The following MAF variants were observed in gnomAD, a reference collection of about 807,000 sequenced individuals.
MAF encodes the protein MAF bZIP transcription factor, also known as transcription factor Maf.
MAF carries 10 observed loss-of-function variants against 22.0 expected under a neutral mutation model. That is an observed-to-expected ratio of 0.45 (90% CI 0.28 to 0.77). MAF has a LOEUF of 0.77. Among genes scored for constraint, MAF ranks in the 30% least tolerant of loss-of-function variants. The pLI is 0.12. For missense variants in MAF, 544 were observed against 548.4 expected (o/e 0.99, Z 0.08); for synonymous variants, 337 against 255.8 (o/e 1.32, Z -3.03).
At chr16:79,214,254 C>A in the MAF span, among the ~76,000 whole-genome samples, 1 of 152,170 alleles carries the variant, frequency 6.6e-6, no homozygotes, top group Admixed American at 6.5e-5. Context: ...TGAAATTTGT[C>A]TGTTTTCTTC....
downstream of MAF, among the ~76,000 whole-genome samples, chr16:79,589,097 T>C (rs1913034879): frequency 6.6e-6 from 1 of 151,788 alleles, no homozygotes; most frequent in African/African-American, 2.4e-5. Flanking sequence ...GAGTAAAAAG[T>C]AGATTTTTTT....
At chr16:79,426,448 A>G in the MAF span, among the ~76,000 whole-genome samples, 1 of 152,142 alleles carries the variant, frequency 6.6e-6, no homozygotes, top group Non-Finnish European at 1.5e-5. Context: ...ATTACATAAG[A>G]GTATTTGTTA....
At chr16:79,516,615 C>T in the MAF span, among the ~76,000 whole-genome samples, 1 of 152,144 alleles carries the variant, frequency 6.6e-6, no homozygotes, top group Non-Finnish European at 1.5e-5. Context: ...ACTGCTAATC[C>T]CTTCCTGTGG....
chr16:79,218,807 G>C, the MAF span, among the ~76,000 whole-genome samples: 1 of 152,132 alleles, frequency 6.6e-6, no homozygotes, highest in East Asian at 1.9e-4. Flanking sequence ...CCAAGCTACT[G>C]CACTGTTACT....
chr16:79,215,727 C>G, the MAF span, among the ~76,000 whole-genome samples: 1 of 152,182 alleles, frequency 6.6e-6, no homozygotes, highest in Admixed American at 6.5e-5. Context: ...ATTTAACAAA[C>G]ATACCAAGTG....
chr16:79,468,242 G>A, the MAF span, among the ~76,000 whole-genome samples: 2 of 152,272 alleles, frequency 1.3e-5, no homozygotes, highest in Admixed American at 6.5e-5. Flanking sequence ...TGACACCCAC[G>A]GAGTCCCCAG....
chr16:79,435,471 A>G, the MAF span, among the ~76,000 whole-genome samples: 3 of 152,202 alleles, frequency 2.0e-5, no homozygotes, highest in African/African-American at 4.8e-5. Context: ...GCTACTATTC[A>G]TTGAGCTTGT....
the MAF span, among the ~76,000 whole-genome samples, chr16:79,455,982 C>T: frequency 1.5e-3 from 222 of 152,128 alleles, 3 homozygotes; most frequent in African/African-American, 5.2e-3. Context: ...CTTGCCACTG[C>T]ACTCCAGCCT....
chr16:79,299,304 G>T, the MAF span, among the ~76,000 whole-genome samples: 1 of 147,888 alleles, frequency 6.8e-6, no homozygotes, highest in Non-Finnish European at 1.5e-5. Flanking sequence ...TGTCTGCCAG[G>T]CTTAGAAAAA....
chr16:79,430,575 G>C, the MAF span, among the ~76,000 whole-genome samples: 2 of 152,196 alleles, frequency 1.3e-5, no homozygotes, highest in African/African-American at 4.8e-5. Flanking sequence ...CACACGGCAG[G>C]CACAGAGCAC....
the MAF span, among the ~76,000 whole-genome samples, chr16:79,259,562 C>T: frequency 6.2e-4 from 94 of 152,186 alleles, no homozygotes; most frequent in Admixed American, 1.8e-3. Context: ...ATGCAGGGCA[C>T]GTAGTAGGTG....
At chr16:79,592,948 T>C (rs1314860456), downstream of MAF, among the ~76,000 whole-genome samples, 1 of 152,216 alleles carries the variant, frequency 6.6e-6, no homozygotes, top group Non-Finnish European at 1.5e-5. Context: ...ATGTTTATAT[T>C]AGCAGCGCTA....
the MAF span, among the ~76,000 whole-genome samples, chr16:79,437,309 A>G: frequency 2.6e-5 from 4 of 152,138 alleles, no homozygotes; most frequent in African/African-American, 9.7e-5. Flanking sequence ...GTCATCCAAG[A>G]TTAAATAATC....
chr16:79,448,634 C>A, the MAF span, among the ~76,000 whole-genome samples: 2 of 151,948 alleles, frequency 1.3e-5, no homozygotes, highest in East Asian at 1.9e-4. Context: ...ACTATGTTGT[C>A]CAGGCTGGTC....
At chr16:79,432,365 A>G in the MAF span, among the ~76,000 whole-genome samples, 1 of 152,220 alleles carries the variant, frequency 6.6e-6, no homozygotes, top group South Asian at 2.1e-4. Context: ...GTGAGAATGT[A>G]CTAATACACC....
the MAF span, among the ~76,000 whole-genome samples, chr16:79,367,075 T>G: frequency 6.6e-6 from 1 of 152,116 alleles, no homozygotes; most frequent in Non-Finnish European, 1.5e-5. Context: ...CCCTAATCTA[T>G]CATTTGTTTT....
the MAF span, among the ~76,000 whole-genome samples, chr16:79,490,224 C>T: frequency 3.3e-5 from 5 of 152,174 alleles, no homozygotes; most frequent in African/African-American, 4.8e-5. Context: ...AACTGCTGTG[C>T]GTCTTTAAAA....
chr16:79,241,695 C>T, the MAF span, among the ~76,000 whole-genome samples: 37 of 151,986 alleles, frequency 2.4e-4, no homozygotes, highest in South Asian at 2.1e-4. Flanking sequence ...ACGGACAACG[C>T]CACAGAGATA....
At chr16:79,379,032 T>C in the MAF span, among the ~76,000 whole-genome samples, 1 of 152,220 alleles carries the variant, frequency 6.6e-6, no homozygotes, top group African/African-American at 2.4e-5. Flanking sequence ...TGCCATCGAA[T>C]AAACTTTTCT....
Sources: allele counts gnomAD v4.1 joint callset (sites outside exome capture counted in the v4.1 genomes callset), GRCh38; gene constraint gnomAD v4.1.1; transcripts MANE v1.5; gene names NCBI Gene and HGNC (gene_info 2026-07-23, HGNC 2026-07-21).